XRCC4: variants seen among roughly 807,000 people sequenced by gnomAD.
XRCC4 encodes the protein DNA repair protein XRCC4.
XRCC4 carries 28 observed loss-of-function variants against 39.1 expected under a neutral mutation model. The ratio of observed to expected loss-of-function variants is 0.72; its 90% CI spans 0.53 to 0.98. XRCC4 has a LOEUF of 0.98. Among genes scored for constraint, XRCC4 ranks in the 50% least tolerant of loss-of-function variants. The pLI is 0.00. For missense variants in XRCC4, 350 were observed against 376.4 expected (o/e 0.93, Z 0.58); for synonymous variants, 123 against 126.4 (o/e 0.97, Z 0.18).
chr5:83,214,598 C>T (rs530502659), intron 6 of XRCC4, among the ~76,000 whole-genome samples: 91 of 151,754 alleles, frequency 6.0e-4, no homozygotes, highest in Non-Finnish European at 1.0e-3. Context: ...TTTGGGAGGC[C>T]GAGGTGGGCA....
chr5:83,287,375 A>T (rs1343337727), intron 7 of XRCC4, among the ~76,000 whole-genome samples: 1 of 152,110 alleles, frequency 6.6e-6, no homozygotes, highest in Non-Finnish European at 1.5e-5. Flanking sequence ...AGAGAATAGC[A>T]CAGCTTTCTA....
chr5:83,266,337 A>G (rs975891282), intron 7 of XRCC4, among the ~76,000 whole-genome samples: 2 of 150,596 alleles, frequency 1.3e-5, no homozygotes, highest in Admixed American at 6.7e-5. Flanking sequence ...TACTCAATGT[A>G]AAGTAAGTAT....
At chr5:83,203,461 T>G in intron 4 of XRCC4, 91 bp from the exon 5 acceptor site, 1 of 1,141,188 alleles carries the variant, frequency 8.8e-7, no homozygotes, top group Non-Finnish European at 1.2e-6. Context: ...TTAATTGTAT[T>G]TTCCTTGAAA....
At chr5:83,080,198 G>A (rs1744872548) in intron 1 of XRCC4, among the ~76,000 whole-genome samples, 1 of 152,140 alleles carries the variant, frequency 6.6e-6, no homozygotes, top group African/African-American at 2.4e-5. Context: ...TGCAGTTTCA[G>A]TTACCCATGA....
the XRCC4 span, among the ~76,000 whole-genome samples, chr5:83,369,832 T>G: frequency 6.6e-6 from 1 of 152,204 alleles, no homozygotes; most frequent in African/African-American, 2.4e-5. Context: ...TCCAAACTGC[T>G]TTCCACAGTG....
chr5:83,124,088 G>A (rs1580253722), intron 3 of XRCC4, among the ~76,000 whole-genome samples: 1 of 152,040 alleles, frequency 6.6e-6, no homozygotes, highest in African/African-American at 2.4e-5. Context: ...CTAAACTACA[G>A]ACTGTACACA....
chr5:83,331,563 G>A (rs976317758), intron 7 of XRCC4, among the ~76,000 whole-genome samples: 4 of 152,040 alleles, frequency 2.6e-5, no homozygotes, highest in Non-Finnish European at 5.9e-5. Flanking sequence ...GAAAATCTAT[G>A]TATATGGAGT....
chr5:83,108,245 G>T (rs1041530399), intron 2 of XRCC4, among the ~76,000 whole-genome samples: 5 of 151,896 alleles, frequency 3.3e-5, no homozygotes, highest in African/African-American at 1.2e-4. Flanking sequence ...ACTTTTTCCA[G>T]ATGTTCTTGG....
intron 2 of XRCC4, among the ~76,000 whole-genome samples, chr5:83,106,374 G>A (rs1027877888): frequency 1.3e-5 from 2 of 152,060 alleles, no homozygotes; most frequent in Admixed American, 1.3e-4. Flanking sequence ...AAGGAATACT[G>A]TATTTATAAC....
intron 5 of XRCC4, among the ~76,000 whole-genome samples, chr5:83,204,009 C>T (rs1407439753): frequency 6.6e-6 from 1 of 152,068 alleles, no homozygotes; most frequent in Non-Finnish European, 1.5e-5. Context: ...AAACTTTCAT[C>T]TGCAGAACTA....
intron 1 of XRCC4, among the ~76,000 whole-genome samples, chr5:83,092,654 G>A (rs1156504019): frequency 2.6e-5 from 4 of 151,958 alleles, no homozygotes; most frequent in African/African-American, 9.7e-5. Flanking sequence ...AAGATGGCTG[G>A]GTAAAGGTGT....
At chr5:83,130,314 A>T (rs1227664545) in intron 3 of XRCC4, among the ~76,000 whole-genome samples, 4 of 152,200 alleles carry the variant, frequency 2.6e-5, no homozygotes, top group African/African-American at 9.6e-5. Flanking sequence ...CCCAGGGATG[A>T]AGTCAACTTG....
At chr5:83,087,247 G>A (rs1745222617) in intron 1 of XRCC4, among the ~76,000 whole-genome samples, 1 of 151,928 alleles carries the variant, frequency 6.6e-6, no homozygotes, top group Non-Finnish European at 1.5e-5. Context: ...AACCTGGGAG[G>A]CAGAGGTTGC....
chr5:83,363,890 C>T, the XRCC4 span, among the ~76,000 whole-genome samples: 760 of 152,270 alleles, frequency 5.0e-3, 19 homozygotes, highest in East Asian at 0.077. Flanking sequence ...GTCATTAATT[C>T]GCTTCTCTTT....
intron 7 of XRCC4, among the ~76,000 whole-genome samples, chr5:83,307,951 G>A (rs1561466755): frequency 6.6e-6 from 1 of 152,130 alleles, no homozygotes; most frequent in Non-Finnish European, 1.5e-5. Flanking sequence ...TCAGTTTTGG[G>A]ACAAAAGTTT....
At chr5:83,078,790 A>G (rs1316509453) in intron 1 of XRCC4, among the ~76,000 whole-genome samples, 1 of 152,204 alleles carries the variant, frequency 6.6e-6, no homozygotes, top group Non-Finnish European at 1.5e-5. Context: ...AAGGAATTTA[A>G]TAAGGTTGGG....
At chr5:83,253,547 A>G (rs1009075169) in intron 6 of XRCC4, among the ~76,000 whole-genome samples, 2 of 151,922 alleles carry the variant, frequency 1.3e-5, no homozygotes, top group African/African-American at 2.4e-5. Context: ...AGATGAGCAT[A>G]TCTGTATGGC....
downstream of XRCC4, among the ~76,000 whole-genome samples, chr5:83,358,645 G>A (rs2112248043): frequency 6.6e-6 from 1 of 152,258 alleles, no homozygotes; most frequent in Admixed American, 6.5e-5. Context: ...CGCTGTTCCA[G>A]TAAATGGAAT....
chr5:83,361,889 C>A, the XRCC4 span, among the ~76,000 whole-genome samples: 1 of 152,080 alleles, frequency 6.6e-6, no homozygotes, highest in African/African-American at 2.4e-5. Flanking sequence ...TTCCTATTGA[C>A]AACATATATC....
Sources: allele counts gnomAD v4.1 joint callset (sites outside exome capture counted in the v4.1 genomes callset), GRCh38; gene constraint gnomAD v4.1.1; transcripts MANE v1.5; gene names NCBI Gene and HGNC (gene_info 2026-07-23, HGNC 2026-07-21).